Variants in SLC36A1 observed in about 807,000 individuals in gnomAD.
SLC36A1 encodes solute carrier family 36 member 1, also known as proton-coupled amino acid transporter 1.
A neutral mutation model predicts 47.5 loss-of-function variants in SLC36A1; 30 were observed. That is an observed-to-expected ratio of 0.63 (90% CI 0.47 to 0.86). The LOEUF (loss-of-function observed/expected upper bound fraction) is 0.86. SLC36A1 is among the 40% of genes least tolerant of loss of function. The pLI, the probability that SLC36A1 is intolerant of heterozygous loss-of-function variation, is 0.00. For missense variants in SLC36A1, 517 were observed against 606.0 expected, an observed-to-expected ratio of 0.85 and a Z score of 1.54; for synonymous variants, 255 against 249.7, an observed-to-expected ratio of 1.02 and a Z score of -0.20.
At chr5:151,479,216 C>A in intron 9 of SLC36A1, 104 bp from the exon 10 acceptor site, 2 of 1,266,826 alleles carry the variant, frequency 1.6e-6, no homozygotes, top group Admixed American at 2.0e-5. Flanking sequence ...GGGTTTGTAT[C>A]CTTGATAAGT....
the SLC36A1 span, among the ~76,000 whole-genome samples, chr5:151,421,174 CTCCT>C: frequency 0.031 from 4,286 of 138,826 alleles, 95 homozygotes; most frequent in Middle Eastern, 0.037. Context: ...CGCCCTTTCT[CTCCT>C]TCCTTCCTTC....
the SLC36A1 span, among the ~76,000 whole-genome samples, chr5:151,377,347 CTTTTTTTTTT>C: frequency 3.3e-5 from 4 of 120,306 alleles, no homozygotes; most frequent in South Asian, 5.7e-4. Flanking sequence ...CTGTCTCTTT[CTTTTTTTTTT>C]TTTTTTTTTG....
upstream of SLC36A1, among the ~76,000 whole-genome samples, chr5:151,443,233 G>C (rs1162114516): frequency 2.0e-5 from 3 of 151,904 alleles, no homozygotes; most frequent in Non-Finnish European, 4.4e-5. Context: ...TTTAAAAAAA[G>C]AAACTTTTAC....
chr5:151,392,117 T>C, the SLC36A1 span, among the ~76,000 whole-genome samples: 1 of 152,234 alleles, frequency 6.6e-6, no homozygotes, highest in Non-Finnish European at 1.5e-5. Flanking sequence ...AAAATCTTCC[T>C]GGTTTAGTAT....
the SLC36A1 span, among the ~76,000 whole-genome samples, chr5:151,362,372 T>C: frequency 1.3e-5 from 2 of 150,792 alleles, no homozygotes; most frequent in Non-Finnish European, 2.9e-5. Flanking sequence ...GATTCTTCCT[T>C]TGCTTGATTG....
chr5:151,372,147 T>C, the SLC36A1 span, among the ~76,000 whole-genome samples: 2 of 152,188 alleles, frequency 1.3e-5, no homozygotes, highest in Non-Finnish European at 2.9e-5. Context: ...TACAAGCTTC[T>C]AGAATTCTGA....
the SLC36A1 span, among the ~76,000 whole-genome samples, chr5:151,554,830 C>A: frequency 6.6e-6 from 1 of 152,120 alleles, no homozygotes; most frequent in Admixed American, 6.5e-5. Context: ...TCTCTGGCAA[C>A]TTTGCCCCTG....
the SLC36A1 span, chr5:151,505,692 G>A: frequency 9.3e-6 from 15 of 1,614,100 alleles, no homozygotes; most frequent in Non-Finnish European, 1.3e-5. Flanking sequence ...GACAGCATAA[G>A]AGGGCCCAGC....
Position 151,458,837 on chromosome 5 carries a change from C to T in SLC36A1, c.45C>T (p.Ser15=). ...GGAATGAAGACTACCACGACTACAGCTCCACGGACGTGAGCCCTGAGGAGA... is the reference window on the plus strand; with the variant it reads ...GGAATGAAGACTACCACGACTACAGTTCCACGGACGTGAGCCCTGAGGAGA... ...RLRNEDYHDY[S]STDVSPEESP... is the part of the protein sequence containing the mutation. Residue 15 remains serine (S), a synonymous_variant, in exon 2 of 11, where the codon AGC becomes AGT. Transcript: ENST00000243389. 1 of 1,614,150 alleles carries T rather than the reference C, an allele frequency of 6.2e-7. No individual in the cohort carries two copies.
the SLC36A1 span, among the ~76,000 whole-genome samples, chr5:151,538,168 G>C: frequency 5.3e-5 from 8 of 152,142 alleles, no homozygotes; most frequent in African/African-American, 1.4e-4. Flanking sequence ...AACATGCAAG[G>C]AAAACTGAGG....
At chr5:151,551,617 A>T in the SLC36A1 span, 1 of 1,613,728 alleles carries the variant, frequency 6.2e-7, no homozygotes. Context: ...CTAGAGTGGG[A>T]GTGGGGAGAA....
chr5:151,540,830 T>C, the SLC36A1 span: 2 of 1,424,460 alleles, frequency 1.4e-6, no homozygotes, highest in Non-Finnish European at 1.9e-6. Context: ...GTGTCACAGG[T>C]GGCTGCCCAT....
At chr5:151,433,635 A>T (rs983590375), upstream of SLC36A1, among the ~76,000 whole-genome samples, 19 of 151,936 alleles carry the variant, frequency 1.3e-4, no homozygotes, top group Non-Finnish European at 1.6e-4. Flanking sequence ...TTGAGGGGAG[A>T]TCAAGAGAGC....
At chr5:151,367,504 G>A in the SLC36A1 span, among the ~76,000 whole-genome samples, 1 of 152,020 alleles carries the variant, frequency 6.6e-6, no homozygotes, top group Non-Finnish European at 1.5e-5. Context: ...CCTGCAGGCA[G>A]TCAGACCTTA....
chr5:151,504,323 G>A, the SLC36A1 span: 3 of 152,676 alleles, frequency 2.0e-5, no homozygotes, highest in African/African-American at 4.8e-5. Flanking sequence ...GTGGACCAGA[G>A]GGAGGGACTG....
chr5:151,435,323 A>C (rs1759704308), upstream of SLC36A1, among the ~76,000 whole-genome samples: 1 of 152,234 alleles, frequency 6.6e-6, no homozygotes, highest in African/African-American at 2.4e-5. Context: ...AGAGGATATA[A>C]ACTATCTGTT....
the SLC36A1 span, chr5:151,549,487 G>C: frequency 6.2e-7 from 1 of 1,614,172 alleles, no homozygotes; most frequent in Non-Finnish European, 8.5e-7. Flanking sequence ...CTCTTGATAG[G>C]TATTTCCTGG....
At chr5:151,434,373 A>G (rs940725038), upstream of SLC36A1, among the ~76,000 whole-genome samples, 5 of 152,234 alleles carry the variant, frequency 3.3e-5, no homozygotes, top group Non-Finnish European at 5.9e-5. Flanking sequence ...TAGAATTATA[A>G]TAGTTGAAAT....
At chr5:151,554,457 C>G in the SLC36A1 span, 1 of 1,614,070 alleles carries the variant, frequency 6.2e-7, no homozygotes, top group African/African-American at 1.3e-5. Flanking sequence ...TCGCTGTCCT[C>G]GATACTGTAG....
Sources: allele counts gnomAD v4.1 joint callset (sites outside exome capture counted in the v4.1 genomes callset), GRCh38; gene constraint gnomAD v4.1.1; transcripts MANE v1.5; gene names NCBI Gene and HGNC (gene_info 2026-07-23, HGNC 2026-07-21).